Variants in VWA5B1 observed in about 807,000 individuals in gnomAD.
VWA5B1 encodes von Willebrand factor A domain-containing protein 5B1.
In VWA5B1, 115 loss-of-function variants were observed where a neutral mutation model predicts 118.2. The ratio of observed to expected loss-of-function variants is 0.97; its 90% confidence interval spans 0.84 to 1.14. The LOEUF (loss-of-function observed/expected upper bound fraction) is 1.14, where lower values mean the gene tolerates loss of function less well. Among genes scored for constraint, VWA5B1 ranks in the 50% most tolerant of loss-of-function variants. VWA5B1 has a pLI of 0.00. For missense variants in VWA5B1, 1,596 were observed against 1,603.8 expected, an observed-to-expected ratio of 1.00 and a Z score of 0.08; for synonymous variants, 682 against 658.4, an observed-to-expected ratio of 1.04 and a Z score of -0.55.
intron 1 of VWA5B1, among the ~76,000 whole-genome samples, chr1:20,307,253 G>A (rs1352471562): frequency 7.9e-5 from 12 of 152,150 alleles, no homozygotes; most frequent in South Asian, 4.1e-4. Context: ...CCATGGCCTC[G>A]TCCCTGTCCC....
intron 12 of VWA5B1, among the ~76,000 whole-genome samples, chr1:20,335,614 G>A (rs2089691408): frequency 6.6e-6 from 1 of 152,124 alleles, no homozygotes; most frequent in African/African-American, 2.4e-5. Flanking sequence ...GTCAATTAAC[G>A]CATATTTTGT....
At chr1:20,311,845 C>G (rs1247751529) in intron 2 of VWA5B1, among the ~76,000 whole-genome samples, 1 of 152,188 alleles carries the variant, frequency 6.6e-6, no homozygotes, top group Non-Finnish European at 1.5e-5. Context: ...TAGAAATCTC[C>G]TGGGCAGGGC....
In VWA5B1 at chr1:20,317,558, GC is replaced by G; in HGVS notation, c.596del (p.Pro199ArgfsTer13). On this transcript the variant is annotated frameshift_variant, in exon 5 of 22. Transcript: ENST00000289815. LOFTEE classifies it high-confidence loss of function. Reference protein sequence around the residue: ...GKDRHCFGAWAPGSWNKLCLA... With the variant: ...GKDRHCFGAWXPGSWNKLCLA... ...AGACAGGCACTGCTTCGGTGCCTGG[GC>G]CCCGGGCTCCTGGAATAAGTTGTGC... The G allele has an allele frequency of 6.4e-7, 1 of 1,551,646 alleles. No individual in the cohort carries two copies. Among genetic ancestry groups the G allele is most frequent in the Non-Finnish European group, 8.7e-7 (1 of 1,146,974 alleles).
At chr1:20,298,255 AC>A (rs2088444237) in intron 1 of VWA5B1, among the ~76,000 whole-genome samples, 1 of 150,884 alleles carries the variant, frequency 6.6e-6, no homozygotes, top group African/African-American at 2.4e-5. Context: ...CAGTCCTTCC[AC>A]TTCAGCTTCC....
At chr1:20,343,451 C>A in intron 16 of VWA5B1, 58 bp downstream of exon 16, 1 of 1,455,502 alleles carries the variant, frequency 6.9e-7, no homozygotes, top group South Asian at 1.4e-5. Flanking sequence ...CAGCCCCGCT[C>A]CACAGCCGCT....
rs545829155 is a variant in VWA5B1 at position 20,291,259 on chromosome 1, G to GGGGAGGAGCCCA, written c.-27+174_-27+185dup. Among the ~76,000 whole-genome samples, 164 of 151,992 alleles carry GGGGAGGAGCCCA rather than the reference G, an allele frequency of 1.1e-3. 1 individual carries two copies. Among genetic ancestry groups the GGGGAGGAGCCCA allele is most frequent in the South Asian group, 9.2e-3 (44 of 4,794 alleles). On this transcript the variant is annotated intron_variant, in intron 1 of 21. Transcript: ENST00000289815. ...TGTGTACACTGTGTGCAGGCACCAT[G>GGGGAGGAGCCCA]GGGAGGAGCCCAGGATGCTTCAGCA... is the stretch of plus-strand genomic sequence containing the variant.
Position 20,336,464 on chromosome 1 carries a change from C to A in VWA5B1, c.1920C>A (p.Ser640Arg), listed in dbSNP as rs562537866. 2.0e-6 allele frequency: 3 copies of A among 1,464,930 alleles called. No individual in the cohort carries two copies. The highest frequency in any genetic ancestry group is 1.8e-6 in the Non-Finnish European group (2 of 1,099,228). The allele number at this position is 1,464,930 out of a possible 1,614,324, so 90.7% of individuals were successfully genotyped here. ...LGQAKNARLA[S>R]GDSTTKHDLN... The stretch of plus-strand genomic sequence containing the variant: ...AGGCCAAAAATGCCCGGCTAGCCAG[C>A]GGAGACTCTACCACCAAGCACGGTT... The change falls in exon 13 of 22, where the codon AGC (serine) becomes AGA (arginine). Residue 640 changes from serine to arginine, a missense_variant. Physicochemically the swap from Ser to Arg is moderately radical, Grantham distance 110. Transcript: ENST00000289815.
At chr1:20,318,840 GT>G in intron 6 of VWA5B1, 119 bp downstream of exon 6, 1 of 1,386,016 alleles carries the variant, frequency 7.2e-7, no homozygotes, top group East Asian at 2.6e-5. Context: ...AAGAGTCGGG[GT>G]GGGGGGTGTG....
chr1:20,350,326 G>A, intron 19 of VWA5B1, 96 bp downstream of exon 19: 1 of 1,344,642 alleles, frequency 7.4e-7, no homozygotes, highest in African/African-American at 1.5e-5. Flanking sequence ...AGTCCTCAGG[G>A]CTTCATGGAG....
At position 20,354,440 on chromosome 1, in the gene VWA5B1, C is replaced by A; in HGVS notation, c.*177C>A. The A allele has an allele frequency of 2.5e-6, 2 of 798,208 alleles. No homozygotes were observed. The highest frequency in any genetic ancestry group is 1.9e-5 in the South Asian group (1 of 53,574). 49.4% of individuals were successfully genotyped at this position (798,208 alleles called of 1,614,324 possible). ...CAATCCCAACTTTGCTACCATCCAGCCATGCAACTTTAGGCCAGTGCCTGC... is the reference window on the plus strand; with the variant it reads ...CAATCCCAACTTTGCTACCATCCAGACATGCAACTTTAGGCCAGTGCCTGC... On this transcript the variant is annotated 3_prime_UTR_variant, in exon 22 of 22. Transcript: ENST00000289815.
At chr1:20,342,311 G>C in intron 14 of VWA5B1, 121 bp from the exon 15 acceptor site, 2 of 1,034,102 alleles carry the variant, frequency 1.9e-6, no homozygotes, top group Non-Finnish European at 2.8e-6. Context: ...GAGCTGGTGG[G>C]GTGGGGGTGG....
chr1:20,323,614 A>T, intron 8 of VWA5B1, 82 bp downstream of exon 8: 1 of 1,269,118 alleles, frequency 7.9e-7, no homozygotes, highest in Non-Finnish European at 1.0e-6. Flanking sequence ...CTTCCTCAGC[A>T]CTTTCTGTTC....
chr1:20,344,838 ACTTTTCTACCCT>A (rs1215754632), intron 16 of VWA5B1, among the ~76,000 whole-genome samples: 1 of 152,144 alleles, frequency 6.6e-6, no homozygotes, highest in Non-Finnish European at 1.5e-5. Flanking sequence ...TTCACGAAGC[ACTTTTCTACCCT>A]CTCTCTCCTT....
At position 20,354,360 on chromosome 1, in the gene VWA5B1, C is replaced by T; in HGVS notation, c.*97C>T. 2 of 1,396,338 alleles carry T rather than the reference C, an allele frequency of 1.4e-6. No individual in the cohort carries two copies. Among genetic ancestry groups the T allele is most frequent in the Admixed American group, 5.2e-5 (2 of 38,124 alleles). The allele number at this position is 1,396,338 out of a possible 1,614,324, so 86.5% of individuals were successfully genotyped here. A position where few individuals can be genotyped will look rare whatever the true frequency, so the allele number is the denominator to read the frequency against. ...TTTCGGGGAGCTTTTGGAGCTGTAA[C>T]TAATATTTCAGTTACTAGAAAGAGC... On this transcript the variant is annotated 3_prime_UTR_variant, in exon 22 of 22. Transcript: ENST00000289815.
At position 20,358,885 on chromosome 1, in the gene VWA5B1, G is replaced by T. The variant is rs902681580; in HGVS notation, c.*4622G>T. Among the ~76,000 whole-genome samples the T allele has an allele frequency of 6.6e-6, 1 of 152,170 alleles. No homozygotes were observed. The highest frequency in any genetic ancestry group is 2.1e-4 in the South Asian group (1 of 4,828). On this transcript the variant is annotated 3_prime_UTR_variant, in exon 22 of 22. Transcript: ENST00000289815. The stretch of plus-strand genomic sequence containing the variant: ...ATTTTGCAGCTGGGTAATCTGATCC[G>T]CAGAGATCTGTCCAAGGTCAGGGGC...
chr1:20,332,490 A>AAAATAAAAT (rs1491556782), intron 11 of VWA5B1, among the ~76,000 whole-genome samples: 2 of 79,454 alleles, frequency 2.5e-5, no homozygotes, highest in Admixed American at 2.5e-4. Flanking sequence ...AAAATAAAAT[A>AAAATAAAAT]AAATAAAATA....
In VWA5B1 at chr1:20,359,482, A is replaced by G. The variant is rs1388088000; in HGVS notation, c.*5219A>G. On this transcript the variant is annotated 3_prime_UTR_variant, in exon 22 of 22. Transcript: ENST00000289815. ...TTCTTTGTACATGGTGGCTACCATT[A>G]TCTAGGCTTTGAGCTGATAAAAATT... 1.3e-5 allele frequency among the ~76,000 whole-genome samples: 2 copies of G among 152,190 alleles called. No individual in the cohort carries two copies. Among genetic ancestry groups the G allele is most frequent in the African/African-American group, 4.8e-5 (2 of 41,444 alleles).
At chr1:20,322,485 T>C (rs2089249978) in intron 7 of VWA5B1, among the ~76,000 whole-genome samples, 1 of 152,254 alleles carries the variant, frequency 6.6e-6, no homozygotes, top group Non-Finnish European at 1.5e-5. Flanking sequence ...ACCAAGGCCC[T>C]GTCCCTTCCT....
intron 10 of VWA5B1, 134 bp downstream of exon 10, chr1:20,330,516 G>A: frequency 8.9e-7 from 1 of 1,119,944 alleles, no homozygotes; most frequent in Non-Finnish European, 1.3e-6. Context: ...TTGCTTCCAA[G>A]ATAGTGTGGG....
Sources: gnomAD v4.1 joint callset for allele counts (sites outside exome capture counted in the v4.1 genomes callset) on GRCh38, gnomAD v4.1.1 for gene constraint, MANE v1.5 for transcripts, NCBI Gene and HGNC (gene_info 2026-07-23, HGNC 2026-07-21) for gene names.